The following BST2 variants were observed in gnomAD, a reference collection of about 807,000 sequenced individuals.
BST2 encodes the protein bone marrow stromal antigen 2.
BST2 carries 10 observed loss-of-function variants against 18.6 expected under a neutral mutation model. The ratio of observed to expected loss-of-function variants is 0.54; its 90% CI spans 0.33 to 0.91. BST2 has a LOEUF of 0.91. BST2 is among the 40% of genes least tolerant of loss of function. The pLI is 0.02. For synonymous variants in BST2, 75 were observed against 96.8 expected, an observed-to-expected ratio of 0.77 and a Z score of 1.32; for missense variants, 183 against 228.4, an observed-to-expected ratio of 0.80 and a Z score of 1.28.
At chr19:17,404,525 A>C (rs1229303348) in intron 1 of BST2, 88 bp from the exon 2 acceptor site, 2 of 1,585,320 alleles carry the variant, frequency 1.3e-6, no homozygotes, top group Admixed American at 3.5e-5. Flanking sequence ...TCCTGGGGAC[A>C]GAGGGGCTTA....
intron 1 of BST2, 124 bp downstream of exon 1, chr19:17,405,167 G>T: frequency 7.9e-7 from 1 of 1,270,706 alleles, no homozygotes; most frequent in Non-Finnish European, 1.1e-6. Flanking sequence ...TGGGGGCCCA[G>T]GAGCAGTTTC....
At chr19:17,404,873 T>C (rs575899458) in intron 1 of BST2, among the ~76,000 whole-genome samples, 8 of 152,138 alleles carry the variant, frequency 5.3e-5, no homozygotes, top group Non-Finnish European at 1.2e-4. Flanking sequence ...TTCTTAGGGA[T>C]GAAGTGAAAA....
Position 17,403,217 on chromosome 19 carries a change from A to G in BST2, c.*125T>C, listed in dbSNP as rs1253837865. Reference sequence around the variant, plus strand: ...CTGCTCCAGAGGCCCTTCTCCGGCTACCCCGTGCTCTCCCCGCTAACCGTG... The same window carrying G: ...CTGCTCCAGAGGCCCTTCTCCGGCTGCCCCGTGCTCTCCCCGCTAACCGTG... On this transcript the variant is annotated 3_prime_UTR_variant, in exon 5 of 5. Transcript: ENST00000252593. 2 of 994,788 alleles carry G rather than the reference A, an allele frequency of 2.0e-6. No homozygotes were observed. Among genetic ancestry groups the G allele is most frequent in the African/African-American group, 3.5e-5 (2 of 57,106 alleles). The allele number at this position is 994,788 out of a possible 1,614,324, so 61.6% of individuals were successfully genotyped here. A position where few individuals can be genotyped will look rare whatever the true frequency, so the allele number is the denominator to read the frequency against.
chr19:17,403,763 C>G lies in BST2; in HGVS notation c.475G>C (p.Asp159His). The G allele has an allele frequency of 6.2e-7, 1 of 1,614,042 alleles. No individual in the cohort carries two copies. The highest frequency in any genetic ancestry group is 8.5e-7 in the Non-Finnish European group (1 of 1,180,020). Reference sequence around the variant, plus strand: ...TGGGGCGCCGCAGCGGAGCTGGAGTCCTGGGAGCTGGGGTAGTACTTCTTG... The same window carrying G: ...TGGGGCGCCGCAGCGGAGCTGGAGTGCTGGGAGCTGGGGTAGTACTTCTTG... The part of the protein sequence containing the change: ...ADKKYYPSSQ[D>H]SSSAAAPQLL... The change falls in exon 4 of 5, where the codon GAC becomes CAC. Residue 159 changes from aspartate (D) to histidine (H), a missense_variant. Transcript: ENST00000252593.
Position 17,403,191 on chromosome 19 carries a change from C to A in BST2, c.*151G>T. 2.0e-6 allele frequency: 2 copies of A among 995,430 alleles called. No homozygotes were observed. Among genetic ancestry groups the A allele is most frequent in the Non-Finnish European group, 2.4e-6 (2 of 835,738 alleles). The allele number at this position is 995,430 out of a possible 1,614,324, so 61.7% of individuals were successfully genotyped here. A position where few individuals can be genotyped will look rare whatever the true frequency, so the allele number is the denominator to read the frequency against. Reference sequence around the variant, plus strand: ...AGGACTTCCCCATGGCCCCTCCAGACCTGCTCCAGAGGCCCTTCTCCGGCT... The same window carrying A: ...AGGACTTCCCCATGGCCCCTCCAGAACTGCTCCAGAGGCCCTTCTCCGGCT... On this transcript the variant is annotated 3_prime_UTR_variant, in exon 5 of 5. Coordinates refer to ENST00000252593, the MANE Select transcript of BST2 (RefSeq NM_004335.4).
At position 17,403,331 on chromosome 19, in the gene BST2, A is replaced by G. The variant is rs2074706656; in HGVS notation, c.*16-5T>C. 1.8e-6 allele frequency: 2 copies of G among 1,112,708 alleles called. No individual in the cohort carries two copies. Among genetic ancestry groups the G allele is most frequent in the Admixed American group, 4.7e-5 (1 of 21,102 alleles). The allele number at this position is 1,112,708 out of a possible 1,614,324, so 68.9% of individuals were successfully genotyped here. A position where few individuals can be genotyped will look rare whatever the true frequency, so the allele number is the denominator to read the frequency against. On this transcript the variant is annotated splice_polypyrimidine_tract_variant and splice_region_variant and intron_variant, in intron 4 of 4. Transcript: ENST00000252593. The stretch of plus-strand genomic sequence containing the variant: ...GACGGACCTTCCAAGATGTGCCTAA[A>G]GGACCAGAAGAGGGACTCAGGGCAG...
At chr19:17,403,631 G>C (rs919265) in intron 4 of BST2, 49 bp downstream of exon 4, 1,500,303 of 1,557,584 alleles carry the variant, frequency 0.96, 725,563 homozygotes, top group Non-Finnish European at 0.98. Context: ...TCCCCGCCCC[G>C]CTTCCCCAGC....
Position 17,403,289 on chromosome 19 carries a change from A to T in BST2, c.*53T>A, listed in dbSNP as rs934616373. 20 of 1,060,748 alleles carry T rather than the reference A, an allele frequency of 1.9e-5. No homozygotes were observed. The highest frequency in any genetic ancestry group is 2.3e-5 in the Non-Finnish European group (20 of 873,112). 65.7% of individuals were successfully genotyped at this position (1,060,748 alleles called of 1,614,324 possible). A position where few individuals can be genotyped will look rare whatever the true frequency, so the allele number is the denominator to read the frequency against. ...ACTGATGAGATCAAGGGAATGTTCA[A>T]GCGAAAAGCCGAGCAGGACGGACCT... On this transcript the variant is annotated 3_prime_UTR_variant, in exon 5 of 5. Transcript: ENST00000252593.
chr19:17,403,786 T>C lies in BST2; in HGVS notation c.452A>G (p.Lys151Arg), dbSNP rs2074709599. The change falls in exon 4 of 5, where the codon AAG becomes AGG. Residue 151 changes from lysine (K) to arginine (R), a missense_variant. Coordinates refer to ENST00000252593, the MANE Select transcript of BST2 (RefSeq NM_004335.4). ...NQVLSVRIAD[K>R]KYYPSSQDSS... ...GTCCTGGGAGCTGGGGTAGTACTTC[T>C]TGTCCGCGATTCTCACGCTTAAGAC... 6.2e-7 allele frequency: 1 copy of C among 1,613,828 alleles called. No individual in the cohort carries two copies. Among genetic ancestry groups the C allele is most frequent in the Non-Finnish European group, 8.5e-7 (1 of 1,179,966 alleles).
chr19:17,404,306 GCCCCCA>G, intron 2 of BST2, 59 bp downstream of exon 2: 1 of 1,469,922 alleles, frequency 6.8e-7, no homozygotes, highest in Non-Finnish European at 9.5e-7. Flanking sequence ...TGGTCTCCCT[GCCCCCA>G]CCCCCTCTTC....
At position 17,404,501 on chromosome 19, in the gene BST2, G is replaced by A. The variant is rs555867177; in HGVS notation, c.286-64C>T. 3 of 1,612,502 alleles carry A rather than the reference G, an allele frequency of 1.9e-6. No individual in the cohort carries two copies. In the East Asian group the frequency reaches 6.7e-5, roughly 36 times the overall value. On this transcript the variant is annotated intron_variant, in intron 1 of 4. Transcript: ENST00000252593. ...TTTGGCTGCTGCCCCTGGGACCTGG[G>A]CCTCCTCCCTAGGTCCTGGGGACAG...
At chr19:17,403,412 A>G in intron 4 of BST2, 86 bp from the exon 5 acceptor site, 2 of 589,554 alleles carry the variant, frequency 3.4e-6, no homozygotes, top group South Asian at 1.7e-4. Flanking sequence ...CCCCGCCCCC[A>G]TCGCTAGACC....
chr19:17,403,626 G>GC, intron 4 of BST2, 54 bp downstream of exon 4: 1 of 1,381,210 alleles, frequency 7.2e-7, no homozygotes, highest in African/African-American at 1.5e-5. Context: ...CTGCTTCCCC[G>GC]CCCCGCTTCC....
At position 17,403,309 on chromosome 19, in the gene BST2, G is replaced by A. The variant is rs192561970; in HGVS notation, c.*33C>T. 8.6e-5 allele frequency: 94 copies of A among 1,089,170 alleles called. No individual in the cohort carries two copies. The African/African-American group carries it at 1.5e-3, about 17-fold the overall frequency. 67.5% of individuals were successfully genotyped at this position (1,089,170 alleles called of 1,614,324 possible). ...GTTCAAGCGAAAAGCCGAGCAGGAC[G>A]GACCTTCCAAGATGTGCCTAAAGGA... On this transcript the variant is annotated 3_prime_UTR_variant, in exon 5 of 5. Coordinates refer to ENST00000252593, the MANE Select transcript of BST2 (RefSeq NM_004335.4).
intron 2 of BST2, 89 bp downstream of exon 2, chr19:17,404,282 C>G: frequency 6.4e-7 from 1 of 1,550,498 alleles, no homozygotes; most frequent in South Asian, 1.1e-5. Context: ...CCCCCTTACC[C>G]CAACCTCCAG....
At chr19:17,404,309 C>T in intron 2 of BST2, 62 bp downstream of exon 2, 1 of 1,518,882 alleles carries the variant, frequency 6.6e-7, no homozygotes, top group Non-Finnish European at 9.1e-7. Context: ...TCTCCCTGCC[C>T]CCACCCCCTC....
Position 17,403,257 on chromosome 19 carries a change from G to C in BST2, c.*85C>G. 2.0e-6 allele frequency: 2 copies of C among 1,022,122 alleles called. No homozygotes were observed. The highest frequency in any genetic ancestry group is 2.3e-6 in the Non-Finnish European group (2 of 851,230). The allele number at this position is 1,022,122 out of a possible 1,614,324, so 63.3% of individuals were successfully genotyped here. On this transcript the variant is annotated 3_prime_UTR_variant, in exon 5 of 5. Transcript: ENST00000252593. ...CGCTAACCGTGTTGCCCCATGACCC[G>C]CTCAGAACTGATGAGATCAAGGGAA...
intron 1 of BST2, among the ~76,000 whole-genome samples, chr19:17,404,832 C>T (rs1006726225): frequency 6.6e-6 from 1 of 152,128 alleles, no homozygotes; most frequent in Admixed American, 6.6e-5. Flanking sequence ...TTCAAGATCC[C>T]CCATATCAGG....
chr19:17,403,622 C>G, intron 4 of BST2, 58 bp downstream of exon 4: 68 of 1,545,956 alleles, frequency 4.4e-5, no homozygotes, highest in Middle Eastern at 4.5e-4. Context: ...GCCTCTGCTT[C>G]CCCGCCCCGC....
Sources: allele counts gnomAD v4.1 joint callset (sites outside exome capture counted in the v4.1 genomes callset), GRCh38; gene constraint gnomAD v4.1.1; transcripts MANE v1.5; gene names NCBI Gene and HGNC (gene_info 2026-07-23, HGNC 2026-07-21).